Variants in SLC8A3 observed in about 807,000 individuals in gnomAD.
SLC8A3 encodes solute carrier family 8 member A3, also known as sodium/calcium exchanger 3.
Under a neutral mutation model 65.4 loss-of-function variants are expected in SLC8A3, and 37 were observed. The observed-to-expected ratio is 0.57, with a 90% confidence interval of 0.44 to 0.74. The LOEUF is 0.74. SLC8A3 is among the 30% of genes least tolerant of loss of function. The pLI is 0.00. For missense variants in SLC8A3, 1,112 were observed against 1,172.1 expected, an observed-to-expected ratio of 0.95 and a Z score of 0.75; for synonymous variants, 461 against 444.5, an observed-to-expected ratio of 1.04 and a Z score of -0.47.
chr14:70,077,827 G>C (rs1163820173), intron 2 of SLC8A3, among the ~76,000 whole-genome samples: 1 of 152,240 alleles, frequency 6.6e-6, no homozygotes, highest in East Asian at 1.9e-4. Flanking sequence ...TGCCTGGGCA[G>C]AGTGCAGTGG....
intron 4 of SLC8A3, 114 bp from the exon 5 acceptor site, chr14:70,051,221 A>G: frequency 1.4e-6 from 1 of 710,532 alleles, no homozygotes; most frequent in Non-Finnish European, 2.5e-6. Flanking sequence ...TCTGACAGTT[A>G]CGCATGGAAT....
In SLC8A3 at chr14:70,158,608, G is replaced by C. The variant is rs74062816; in HGVS notation, c.1784+8031C>G. The stretch of plus-strand genomic sequence containing the variant: ...TCTTCATGAACCCTACCCACCAAAA[G>C]GTAACTGAATTGGGTCCAGGCAGAG... On this transcript the variant is annotated intron_variant, in intron 2 of 6. Transcript: ENST00000356921. Among the ~76,000 whole-genome samples the C allele has an allele frequency of 5.1e-3, 782 of 152,252 alleles. 10 individuals are homozygous for C. Among genetic ancestry groups the C allele is most frequent in the African/African-American group, 0.017 (711 of 41,546 alleles).
chr14:70,051,223 G>T (rs749404669), intron 4 of SLC8A3, 116 bp from the exon 5 acceptor site: 174 of 689,940 alleles, frequency 2.5e-4, no homozygotes, highest in Non-Finnish European at 6.3e-5. Context: ...TGACAGTTAC[G>T]CATGGAATGG....
At chr14:70,051,239 G>A (rs1887474075) in intron 4 of SLC8A3, 132 bp from the exon 5 acceptor site, 1 of 631,038 alleles carries the variant, frequency 1.6e-6, no homozygotes, top group Admixed American at 2.7e-5. Context: ...AATGGCCTTG[G>A]GCGATCTCTT....
At chr14:70,109,915 A>G (rs1195289322) in intron 2 of SLC8A3, among the ~76,000 whole-genome samples, 2 of 152,246 alleles carry the variant, frequency 1.3e-5, no homozygotes, top group Non-Finnish European at 2.9e-5. Context: ...GCTGCTCTGC[A>G]TATTATAAAG....
intron 2 of SLC8A3, among the ~76,000 whole-genome samples, chr14:70,105,284 G>A (rs1435517813): frequency 6.6e-6 from 1 of 152,104 alleles, no homozygotes; most frequent in Non-Finnish European, 1.5e-5. Flanking sequence ...AGCCGAGATC[G>A]AGCCACTGCA....
chr14:70,057,597 C>G (rs924241758), intron 3 of SLC8A3, among the ~76,000 whole-genome samples: 3 of 152,206 alleles, frequency 2.0e-5, no homozygotes, highest in Non-Finnish European at 4.4e-5. Context: ...GAATCCAAGA[C>G]TTTCTGCTCA....
In SLC8A3 at chr14:70,046,407, T is replaced by C; in HGVS notation, c.2390-84A>G. 7.0e-7 allele frequency: 1 copy of C among 1,421,240 alleles called. No homozygotes were observed. The highest frequency in any genetic ancestry group is 9.5e-7 in the Non-Finnish European group (1 of 1,053,600). 88.0% of individuals were successfully genotyped at this position (1,421,240 alleles called of 1,614,324 possible). Reference sequence around the variant, plus strand: ...CTTCCAGTATGCCCAAAAAGCAGCTTGAGCTGGTGGGCTGAACCCAGGAAT... The same window carrying C: ...CTTCCAGTATGCCCAAAAAGCAGCTCGAGCTGGTGGGCTGAACCCAGGAAT... On this transcript the variant is annotated intron_variant, in intron 6 of 6. Transcript: ENST00000356921. The surrounding 1 kb of genome is among the most constrained non-coding windows in gnomAD (Gnocchi z 4.2).
intron 1 of SLC8A3, among the ~76,000 whole-genome samples, chr14:70,176,168 C>G (rs1897898939): frequency 6.6e-6 from 1 of 152,228 alleles, no homozygotes; most frequent in Non-Finnish European, 1.5e-5. Flanking sequence ...TTTGCCCTCT[C>G]CAAATCCTTG....
chr14:70,134,522 C>T (rs749886804), intron 2 of SLC8A3, among the ~76,000 whole-genome samples: 13 of 152,142 alleles, frequency 8.5e-5, no homozygotes, highest in Non-Finnish European at 1.3e-4. Flanking sequence ...CCCTCAAGTC[C>T]TTCCTTTTCC....
At chr14:70,154,858 T>C (rs751764081) in intron 2 of SLC8A3, among the ~76,000 whole-genome samples, 1 of 152,140 alleles carries the variant, frequency 6.6e-6, no homozygotes, top group Non-Finnish European at 1.5e-5. Context: ...GACACATGTA[T>C]ACAAAGTGTA....
intron 1 of SLC8A3, among the ~76,000 whole-genome samples, chr14:70,170,412 A>G (rs1897452273): frequency 6.6e-6 from 1 of 152,166 alleles, no homozygotes; most frequent in Admixed American, 6.5e-5. Context: ...ACTCTTAATA[A>G]TGCTTTAGAT....
intron 1 of SLC8A3, among the ~76,000 whole-genome samples, chr14:70,170,724 C>T (rs1458492900): frequency 1.3e-5 from 2 of 152,196 alleles, no homozygotes; most frequent in African/African-American, 4.8e-5. Context: ...GGACACAAAA[C>T]ATCAGGGTGC....
chr14:70,077,010 G>T (rs1890588737), intron 2 of SLC8A3, among the ~76,000 whole-genome samples: 1 of 152,194 alleles, frequency 6.6e-6, no homozygotes, highest in Admixed American at 6.5e-5. Flanking sequence ...CAGGGTTTTT[G>T]AGAGGATTAA....
chr14:70,155,730 G>A (rs962895008), intron 2 of SLC8A3, among the ~76,000 whole-genome samples: 3 of 152,232 alleles, frequency 2.0e-5, no homozygotes, highest in African/African-American at 7.2e-5. Flanking sequence ...CCAAAGCTGT[G>A]CCCATTCTTT....
chr14:70,065,568 C>T (rs1010422355), intron 2 of SLC8A3, among the ~76,000 whole-genome samples: 9 of 152,172 alleles, frequency 5.9e-5, no homozygotes, highest in African/African-American at 2.2e-4. Context: ...GGGCAATGCT[C>T]TAAAGTTCTT....
intron 2 of SLC8A3, among the ~76,000 whole-genome samples, chr14:70,086,276 G>A (rs1299545615): frequency 6.6e-6 from 1 of 152,192 alleles, no homozygotes; most frequent in Non-Finnish European, 1.5e-5. Flanking sequence ...AAGTTGCACA[G>A]AGAAGCGAGA....
At chr14:70,060,110 G>C (rs1253709899) in intron 3 of SLC8A3, 1 of 153,190 alleles carries the variant, frequency 6.5e-6, no homozygotes, top group African/African-American at 2.4e-5. Context: ...GCTCTCAGAA[G>C]CCGTGGCTTC....
At chr14:70,074,027 C>A (rs542670189) in intron 2 of SLC8A3, among the ~76,000 whole-genome samples, 16 of 152,198 alleles carry the variant, frequency 1.1e-4, no homozygotes, top group Non-Finnish European at 1.0e-4. Context: ...TTAGCTGATT[C>A]TATAGACATT....
Sources: gnomAD v4.1 joint callset for allele counts (sites outside exome capture counted in the v4.1 genomes callset) on GRCh38, gnomAD v4.1.1 for gene constraint, Gnocchi (gnomAD v3.1) non-coding constraint, MANE v1.5 for transcripts, NCBI Gene and HGNC (gene_info 2026-07-23, HGNC 2026-07-21) for gene names.